The following STAB2 variants were observed in gnomAD, a reference collection of about 807,000 sequenced individuals.
The protein encoded by STAB2 is stabilin-2.
A neutral mutation model predicts 338.1 loss-of-function variants in STAB2; 288 were observed. The ratio of observed to expected loss-of-function variants is 0.85; its 90% confidence interval spans 0.77 to 0.94. The LOEUF (loss-of-function observed/expected upper bound fraction) is 0.94, where lower values mean the gene tolerates loss of function less well. STAB2 is among the 40% of genes least tolerant of loss of function. The probability of loss-of-function intolerance (pLI) is 0.00; values close to 1 mark genes in which losing one functional copy is unlikely to be tolerated. For synonymous variants in STAB2, 1,202 were observed against 1,193.3 expected (o/e 1.01, Z -0.15); for missense variants, 3,141 against 3,210.1 (o/e 0.98, Z 0.52).
intron 66 of STAB2, 113 bp from the exon 67 acceptor site, chr12:103,762,161 C>T: frequency 1.4e-6 from 2 of 1,424,988 alleles, no homozygotes; most frequent in Non-Finnish European, 9.6e-7. Context: ...TACATGTTAA[C>T]ATGTCAGTAT....
chr12:103,599,182 A>T (rs962341999), intron 3 of STAB2, among the ~76,000 whole-genome samples: 2 of 152,188 alleles, frequency 1.3e-5, no homozygotes, highest in Non-Finnish European at 2.9e-5. Context: ...TGGAATAGGC[A>T]CCTCTAGAGT....
intron 23 of STAB2, among the ~76,000 whole-genome samples, chr12:103,674,631 C>T (rs533042365): frequency 6.6e-6 from 1 of 152,230 alleles, no homozygotes; most frequent in East Asian, 1.9e-4. Flanking sequence ...CCATTTGTTT[C>T]CTTAATACTG....
rs767111499 is a variant in STAB2 at position 103,727,374 on chromosome 12, AG to A, written c.4935+29del. 1.1e-4 allele frequency: 183 copies of A among 1,613,224 alleles called. No individual in the cohort carries two copies. In the African/African-American group the frequency reaches 2.3e-3, roughly 20 times the overall value. ...GGGTGAGCATGAGACTGTGGGCAGA[AG>A]GGGGAGGTCTGCGGCTGGAACATAG... On this transcript the variant is annotated intron_variant, in intron 47 of 68. Transcript: ENST00000388887.
chr12:103,755,407 G>A lies in STAB2; in HGVS notation c.6820G>A (p.Asp2274Asn), dbSNP rs1315258170. The A allele has an allele frequency of 1.1e-5, 17 of 1,614,122 alleles. No individual in the cohort carries two copies. Among genetic ancestry groups the A allele is most frequent in the East Asian group, 2.2e-5 (1 of 44,872 alleles). The change falls in exon 62 of 69, where the codon GAC becomes AAC. Residue 2274 changes from aspartate to asparagine, a missense_variant. Transcript: ENST00000388887. The part of the protein sequence containing the change: ...NCGSGVVGIV[D>N]YGPRPNKSEM... ...TGGCTCTGGTGTGGTTGGGATAGTG[G>A]ACTATGGACCTAGACCCAACAAGAG...
At chr12:103,751,776 T>A (rs1395514998) in intron 60 of STAB2, among the ~76,000 whole-genome samples, 2 of 152,080 alleles carry the variant, frequency 1.3e-5, no homozygotes, top group East Asian at 3.9e-4. Flanking sequence ...GACCATAGAG[T>A]GTGGTCCAGC....
intron 3 of STAB2, among the ~76,000 whole-genome samples, chr12:103,608,848 T>G (rs1219139405): frequency 1.3e-5 from 2 of 152,240 alleles, no homozygotes; most frequent in South Asian, 4.1e-4. Context: ...TAATCCATCT[T>G]GAATTAATTT....
chr12:103,724,828 G>A, intron 44 of STAB2, 147 bp from the exon 45 acceptor site: 1 of 1,428,396 alleles, frequency 7.0e-7, no homozygotes, highest in Non-Finnish European at 9.4e-7. Context: ...TGGAAGGCAA[G>A]CTCAGGAAAA....
intron 3 of STAB2, among the ~76,000 whole-genome samples, chr12:103,603,165 G>C (rs1290830281): frequency 1.3e-5 from 2 of 152,218 alleles, no homozygotes; most frequent in East Asian, 3.9e-4. Context: ...CTGCCTCCCG[G>C]GTTCACACCA....
rs551901683 is a variant in STAB2, at chr12:103,704,896, C to T, written c.3900+282C>T. ...CATATCCTAGTAGCCAGTTGAGGAC[C>T]GCAGCAAGAAATCTTGTCAGAGAAG... On this transcript the variant is annotated intron_variant, in intron 36 of 68. Coordinates refer to ENST00000388887, the MANE Select transcript of STAB2 (RefSeq NM_017564.10). 81 of 247,240 alleles carry T rather than the reference C, an allele frequency of 3.3e-4. 1 individual carries two copies. Among genetic ancestry groups the T allele is most frequent in the Non-Finnish European group, 5.6e-4 (72 of 129,634 alleles). 15.3% of individuals were successfully genotyped at this position (247,240 alleles called of 1,614,324 possible). A position where few individuals can be genotyped will look rare whatever the true frequency, so the allele number is the denominator to read the frequency against.
chr12:103,631,143 G>T (rs1438368283), intron 5 of STAB2, among the ~76,000 whole-genome samples: 1 of 152,152 alleles, frequency 6.6e-6, no homozygotes, highest in Non-Finnish European at 1.5e-5. Context: ...AGACCCTTTG[G>T]AATATTTTCC....
In STAB2 at chr12:103,748,639, C is replaced by T. The variant is rs7134650; in HGVS notation, c.6245-324C>T. On this transcript the variant is annotated intron_variant, in intron 58 of 68. Coordinates refer to ENST00000388887, the MANE Select transcript of STAB2 (RefSeq NM_017564.10). ...ACACACACACACACACACACACACA[C>T]ACACACACACACACACACACTGTCC... Among the ~76,000 whole-genome samples, 319 of 74,818 alleles carry T rather than the reference C, an allele frequency of 4.3e-3. 1 individual carries two copies. Among genetic ancestry groups the T allele is most frequent in the Middle Eastern group, 6.5e-3 (1 of 154 alleles). 49.1% of individuals were successfully genotyped at this position (74,818 alleles called of 152,430 possible).
chr12:103,676,555 A>G (rs1247440524), intron 24 of STAB2, among the ~76,000 whole-genome samples: 1 of 152,226 alleles, frequency 6.6e-6, no homozygotes, highest in Non-Finnish European at 1.5e-5. Flanking sequence ...ATCATAGCTC[A>G]CTGCAGCCTC....
chr12:103,595,662 T>A (rs77059877), intron 3 of STAB2, among the ~76,000 whole-genome samples: 2,502 of 152,334 alleles, frequency 0.016, 77 homozygotes, highest in African/African-American at 0.057. Context: ...TATTACCAGA[T>A]GTAATTTTTA....
chr12:103,682,015 A>C (rs1053523397), intron 25 of STAB2, among the ~76,000 whole-genome samples: 1 of 152,094 alleles, frequency 6.6e-6, no homozygotes, highest in Non-Finnish European at 1.5e-5. Context: ...GAGGTACTGG[A>C]GGTCAGGACT....
rs1408303277 is a variant in STAB2, at chr12:103,622,210, T to TA, written c.487+105dup. On this transcript the variant is annotated intron_variant, in intron 5 of 68. Transcript: ENST00000388887. Reference sequence around the variant, plus strand: ...GAAAACACTGAATAGTTATGTGTGATAAAAAAGAAATTTCAGCAGAATTAA... The same window carrying TA: ...GAAAACACTGAATAGTTATGTGTGATAAAAAAAGAAATTTCAGCAGAATTAA... 8.5e-6 allele frequency: 11 copies of TA among 1,289,776 alleles called. No homozygotes were observed. The South Asian group carries it at 1.4e-4, about 16-fold the overall frequency. The allele number at this position is 1,289,776 out of a possible 1,614,324, so 79.9% of individuals were successfully genotyped here.
intron 11 of STAB2, 25 bp downstream of exon 11, chr12:103,650,603 C>T (rs762155959): frequency 1.3e-6 from 2 of 1,594,446 alleles, no homozygotes; most frequent in Admixed American, 1.7e-5. Flanking sequence ...TGACCCTACA[C>T]CAAGGGGCTA....
rs1414521627 is a variant in STAB2, at chr12:103,652,775, CTCTT to C, written c.1407+72_1407+75del. On this transcript the variant is annotated intron_variant, in intron 12 of 68. Transcript: ENST00000388887. ...CAAGCCAATGCCCATATCCTTCTCT[CTCTT>C]TTTGTTTGGGGTTTGTGAAAAATTA... The C allele has an allele frequency of 7.7e-6, 11 of 1,426,410 alleles. No homozygotes were observed. The African/African-American group carries it at 1.6e-4, about 21-fold the overall frequency. 88.4% of individuals were successfully genotyped at this position (1,426,410 alleles called of 1,614,324 possible).
intron 3 of STAB2, among the ~76,000 whole-genome samples, chr12:103,615,882 G>A (rs58318191): frequency 0.32 from 48,905 of 152,036 alleles, 10,026 homozygotes; most frequent in African/African-American, 0.58. Flanking sequence ...GGGGGAAACT[G>A]CCCCATGATC....
chr12:103,706,899 C>T lies in STAB2; in HGVS notation c.4104C>T (p.Gly1368=), dbSNP rs149369382. The T allele has an allele frequency of 9.3e-4, 1,500 of 1,614,222 alleles. 3 individuals carry two copies. Among genetic ancestry groups the T allele is most frequent in the Non-Finnish European group, 1.2e-3 (1,371 of 1,180,044 alleles). The change falls in exon 38 of 69, where the codon GGC becomes GGT. Residue 1368 remains glycine (G), a synonymous_variant. Transcript: ENST00000388887. ...GNGICLDGVN[G]TGVCECGEGF... Reference sequence around the variant, plus strand: ...GCATCTGTTTGGATGGAGTGAATGGCACAGGTGTGTGTGAGTGTGGGGAGG... The same window carrying T: ...GCATCTGTTTGGATGGAGTGAATGGTACAGGTGTGTGTGAGTGTGGGGAGG...
Sources: allele counts gnomAD v4.1 joint callset (sites outside exome capture counted in the v4.1 genomes callset), GRCh38; gene constraint gnomAD v4.1.1; transcripts MANE v1.5; gene names NCBI Gene and HGNC (gene_info 2026-07-23, HGNC 2026-07-21).